The following ZNF347 variants were observed in gnomAD, a reference collection of about 807,000 sequenced individuals.
ZNF347 encodes CTD-2620I22.7.
ZNF347 carries 19 observed loss-of-function variants against 12.9 expected under a neutral mutation model. The ratio of observed to expected loss-of-function variants is 1.47; its 90% CI spans 1.03 to 2.16. The LOEUF (loss-of-function observed/expected upper bound fraction) is 2.16. Among genes scored for constraint, ZNF347 ranks in the 30% most tolerant of loss-of-function variants. The pLI, the probability that ZNF347 is intolerant of heterozygous loss-of-function variation, is 0.00. For missense variants in ZNF347, 1,005 were observed against 990.6 expected (o/e 1.01, Z -0.19); for synonymous variants, 328 against 340.6 (o/e 0.96, Z 0.41).
chr19:53,150,663 CTG>C (rs539468598), intron 2 of ZNF347, among the ~76,000 whole-genome samples: 165 of 152,292 alleles, frequency 1.1e-3, no homozygotes, highest in African/African-American at 3.8e-3. Context: ...AATCTAAAAA[CTG>C]TGATCATCGC....
In ZNF347 at chr19:53,137,678, C is replaced by T. The variant is rs982744224; in HGVS notation, c.*2630G>A. The T allele has an allele frequency of 6.6e-6, 1 of 152,108 alleles. No homozygotes were observed. The highest frequency in any genetic ancestry group is 1.5e-5 in the Non-Finnish European group (1 of 68,020). The allele number at this position is 152,108 out of a possible 1,614,324, so 9.4% of individuals were successfully genotyped here. On this transcript the variant is annotated 3_prime_UTR_variant, in exon 5 of 5. Transcript: ENST00000334197. ...ATTTATGAAACTTCTAGTTTACCTACAAAAACAAAATTTCCATTATATATG... is the reference window on the plus strand; with the variant it reads ...ATTTATGAAACTTCTAGTTTACCTATAAAAACAAAATTTCCATTATATATG...
At chr19:53,149,930 C>T (rs1039350846) in intron 2 of ZNF347, among the ~76,000 whole-genome samples, 1 of 152,228 alleles carries the variant, frequency 6.6e-6, no homozygotes, top group African/African-American at 2.4e-5. Context: ...TTCTCCCATA[C>T]CTTACCCAAT....
intron 4 of ZNF347, among the ~76,000 whole-genome samples, chr19:53,147,938 G>C (rs1328030888): frequency 6.6e-6 from 1 of 152,080 alleles, no homozygotes; most frequent in East Asian, 1.9e-4. Context: ...ATAGATGCTG[G>C]GAAATGACTC....
chr19:53,135,369 A>AGAGAG lies in ZNF347; in HGVS notation c.*4938_*4939insCTCTC, dbSNP rs2090382771. ...AGAGAGAGAGAGAGAGAGAGAGAGA[A>AGAGAG]AGAGAGAGAGAGAGAGAGAGAGAGA... is the stretch of plus-strand genomic sequence containing the variant. On this transcript the variant is annotated 3_prime_UTR_variant, in exon 5 of 5. Transcript: ENST00000334197. 2.5e-4 allele frequency: 22 copies of AGAGAG among 87,914 alleles called. 1 individual carries two copies. The highest frequency in any genetic ancestry group is 9.5e-4 in the African/African-American group (21 of 22,146). The allele number at this position is 87,914 out of a possible 1,614,324, so 5.4% of individuals were successfully genotyped here.
rs1054772674 is a variant in ZNF347, at chr19:53,136,042, A to G, written c.*4266T>C. The G allele has an allele frequency of 6.6e-6, 1 of 152,006 alleles. No individual in the cohort carries two copies. The highest frequency in any genetic ancestry group is 1.5e-5 in the Non-Finnish European group (1 of 68,030). 9.4% of individuals were successfully genotyped at this position (152,006 alleles called of 1,614,324 possible). On this transcript the variant is annotated 3_prime_UTR_variant, in exon 5 of 5. Coordinates refer to ENST00000334197, the MANE Select transcript of ZNF347 (RefSeq NM_032584.3). ...ATGAGAGAAATTATCTCCTTTGCATAAATGATAATTAATATCTTGGGGACT... is the reference window on the plus strand; with the variant it reads ...ATGAGAGAAATTATCTCCTTTGCATGAATGATAATTAATATCTTGGGGACT...
rs201063928 is a variant in ZNF347, at chr19:53,141,108, A to T, written c.1720T>A (p.Cys574Ser). ...TGEKPYKCNE[C>S]GKVFTQNSHL... ...GAATTCTGAGTGAAGACCTTGCCACACTCATTACATTTGTAAGGTTTTTCT... is the reference window on the plus strand; with the variant it reads ...GAATTCTGAGTGAAGACCTTGCCACTCTCATTACATTTGTAAGGTTTTTCT... Residue 574 changes from cysteine to serine, a missense_variant, in exon 5 of 5, where the codon TGT becomes AGT. By Grantham distance (112) the Cys-to-Ser change is moderately radical. Transcript: ENST00000334197. 60 of 1,613,760 alleles carry T rather than the reference A, an allele frequency of 3.7e-5. No homozygotes were observed. Among genetic ancestry groups the T allele is most frequent in the Non-Finnish European group, 4.9e-5 (58 of 1,179,976 alleles).
chr19:53,142,830 C>T (rs1201931949), intron 4 of ZNF347, among the ~76,000 whole-genome samples: 1 of 152,110 alleles, frequency 6.6e-6, no homozygotes, highest in African/African-American at 2.4e-5. Context: ...AGCAATCGTT[C>T]AGTCATAAAG....
In ZNF347 at chr19:53,146,863, GA is replaced by G. The variant is rs990168212; in HGVS notation, c.271+1817del. 4.3e-3 allele frequency among the ~76,000 whole-genome samples: 620 copies of G among 144,634 alleles called. 2 individuals are homozygous for G. The highest frequency in any genetic ancestry group is 0.014 in the African/African-American group (559 of 39,854). 94.9% of individuals were successfully genotyped at this position (144,634 alleles called of 152,430 possible). On this transcript the variant is annotated intron_variant, in intron 4 of 4. Coordinates refer to ENST00000334197, the MANE Select transcript of ZNF347 (RefSeq NM_032584.3). ...AGACACTAATAACAAAATTGAAGCT[GA>G]AAAAAAAAAAATTTCATGTAGAAGA...
At chr19:53,150,152 A>G (rs1219867333) in intron 2 of ZNF347, among the ~76,000 whole-genome samples, 1 of 152,062 alleles carries the variant, frequency 6.6e-6, no homozygotes, top group Non-Finnish European at 1.5e-5. Context: ...AAGTGGGCAC[A>G]CTCTTGTTGG....
intron 2 of ZNF347, among the ~76,000 whole-genome samples, chr19:53,149,963 C>A (rs907645587): frequency 6.6e-6 from 1 of 152,152 alleles, no homozygotes; most frequent in Non-Finnish European, 1.5e-5. Flanking sequence ...TCTGGCTGTT[C>A]ATCTGTATAC....
chr19:53,147,272 G>A (rs1456943356), intron 4 of ZNF347, among the ~76,000 whole-genome samples: 1 of 152,168 alleles, frequency 6.6e-6, no homozygotes, highest in African/African-American at 2.4e-5. Context: ...CTACTTGGGA[G>A]GCAGAGGCAG....
intron 4 of ZNF347, among the ~76,000 whole-genome samples, chr19:53,143,482 G>A (rs1182657263): frequency 1.3e-5 from 2 of 149,298 alleles, no homozygotes; most frequent in Non-Finnish European, 3.0e-5. Context: ...GCGGTGTTTG[G>A]TTTTTTGTCC....
chr19:53,141,481 T>C lies in ZNF347; in HGVS notation c.1347A>G (p.Val449=). ...GVRSSLAIHL[V]IHTGEKPYKC... ...TGTAAGGCTTTTCTCCGGTGTGAAT[T>C]ACCAGATGAATAGCTAGGCTTGAAC... Residue 449 remains valine, a synonymous_variant, in exon 5 of 5, where the codon GTA becomes GTG. Transcript: ENST00000334197. 1.2e-6 allele frequency: 2 copies of C among 1,613,088 alleles called. No individual in the cohort carries two copies. Among genetic ancestry groups the C allele is most frequent in the South Asian group, 2.2e-5 (2 of 91,042 alleles).
At position 53,142,115 on chromosome 19, in the gene ZNF347, T is replaced by C. The variant is rs368218676; in HGVS notation, c.713A>G (p.Tyr238Cys). The change falls in exon 5 of 5, where the codon TAT becomes TGT. Residue 238 changes from tyrosine to cysteine, a missense_variant. Transcript: ENST00000334197. ...TAAAGAAGAGATAAAATCTTTGAGATATTTCTTAGAAATGTGGGTTTTGAC... is the reference window on the plus strand; with the variant it reads ...TAAAGAAGAGATAAAATCTTTGAGACATTTCTTAGAAATGTGGGTTTTGAC... ...YNVKTHISKK[Y>C]LKDFISSLLL... 1.9e-6 allele frequency: 3 copies of C among 1,612,836 alleles called. No individual in the cohort carries two copies. Among genetic ancestry groups the C allele is most frequent in the Non-Finnish European group, 2.5e-6 (3 of 1,179,742 alleles).
rs1358747042 is a variant in ZNF347 at position 53,137,125 on chromosome 19, A to T, written c.*3183T>A. 1 of 152,128 alleles carries T rather than the reference A, an allele frequency of 6.6e-6. No homozygotes were observed. Among genetic ancestry groups the T allele is most frequent in the African/African-American group, 2.4e-5 (1 of 41,394 alleles). 9.4% of individuals were successfully genotyped at this position (152,128 alleles called of 1,614,324 possible). A position where few individuals can be genotyped will look rare whatever the true frequency, so the allele number is the denominator to read the frequency against. On this transcript the variant is annotated 3_prime_UTR_variant, in exon 5 of 5. Coordinates refer to ENST00000334197, the MANE Select transcript of ZNF347 (RefSeq NM_032584.3). The stretch of plus-strand genomic sequence containing the variant: ...CGTCTTGAGCTCCTGACCTAAGGTG[A>T]TCCACCTGCCTCGGGCTCCCAAAGT...
At chr19:53,153,694 A>C in intron 2 of ZNF347, 39 bp downstream of exon 2, 1 of 1,607,968 alleles carries the variant, frequency 6.2e-7, no homozygotes. Flanking sequence ...TTCAAGAAGA[A>C]ATAAGAGACA....
At chr19:53,156,161 G>A (rs1225622173) in intron 1 of ZNF347, among the ~76,000 whole-genome samples, 2 of 152,056 alleles carry the variant, frequency 1.3e-5, no homozygotes, top group Non-Finnish European at 2.9e-5. Flanking sequence ...CACTTTGGGA[G>A]GCCAAGGCAG....
chr19:53,148,291 C>A (rs1482788553), intron 4 of ZNF347, among the ~76,000 whole-genome samples: 1 of 152,180 alleles, frequency 6.6e-6, no homozygotes, highest in African/African-American at 2.4e-5. Flanking sequence ...TAAAATTTAG[C>A]TAACTATATA....
chr19:53,149,590 T>C, intron 2 of ZNF347: 4 of 806,750 alleles, frequency 5.0e-6, no homozygotes, highest in Non-Finnish European at 5.2e-6. Flanking sequence ...GACTGGTGGC[T>C]GGAGGCCCCA....
Sources: gnomAD v4.1 joint callset for allele counts (sites outside exome capture counted in the v4.1 genomes callset) on GRCh38, gnomAD v4.1.1 for gene constraint, MANE v1.5 for transcripts, NCBI Gene and HGNC (gene_info 2026-07-23, HGNC 2026-07-21) for gene names.